HACE1: variants seen among roughly 807,000 people sequenced by gnomAD.
HACE1 encodes HECT domain and ankyrin repeat containing E3 ubiquitin protein ligase 1, also known as E3 ubiquitin-protein ligase HACE1.
HACE1 carries 73 observed loss-of-function variants against 118.4 expected under a neutral mutation model. The observed-to-expected ratio is 0.62, with a 90% CI of 0.51 to 0.75. The LOEUF is 0.75. HACE1 is among the 30% of genes least tolerant of loss of function. The pLI is 0.00. For missense variants in HACE1, 749 were observed against 1,102.2 expected, an observed-to-expected ratio of 0.68 and a Z score of 4.54; for synonymous variants, 368 against 374.8, an observed-to-expected ratio of 0.98 and a Z score of 0.21.
intron 11 of HACE1, chr6:104,786,915 G>A (rs916190797): frequency 6.6e-6 from 1 of 152,142 alleles, no homozygotes; most frequent in African/African-American, 2.4e-5. Context: ...CATGGAAGGA[G>A]ATTATACAAC....
intron 14 of HACE1, among the ~76,000 whole-genome samples, chr6:104,778,051 G>A (rs916372859): frequency 2.0e-5 from 3 of 152,158 alleles, no homozygotes; most frequent in Admixed American, 6.5e-5. Flanking sequence ...GAGCCACTGC[G>A]CCCGGCCTCT....
intron 7 of HACE1, among the ~76,000 whole-genome samples, chr6:104,805,875 AC>A (rs751800248): frequency 3.9e-5 from 6 of 152,124 alleles, no homozygotes; most frequent in South Asian, 2.1e-4. Context: ...ACAAAAAAAA[AC>A]AATTTAGTAC....
At chr6:104,792,173 T>C (rs1242344021) in intron 10 of HACE1, among the ~76,000 whole-genome samples, 2 of 152,158 alleles carry the variant, frequency 1.3e-5, no homozygotes, top group African/African-American at 2.4e-5. Flanking sequence ...TATAGAACAT[T>C]CACAAATTGA....
chr6:104,774,741 C>T (rs1185035135), intron 17 of HACE1, among the ~76,000 whole-genome samples: 2 of 152,050 alleles, frequency 1.3e-5, no homozygotes, highest in Non-Finnish European at 2.9e-5. Flanking sequence ...GTTTACTGGC[C>T]CCAAGATTGT....
At chr6:104,808,117 C>T (rs1360222221) in intron 7 of HACE1, among the ~76,000 whole-genome samples, 3 of 151,682 alleles carry the variant, frequency 2.0e-5, no homozygotes, top group East Asian at 3.9e-4. Context: ...AGCCAGGAGG[C>T]AGAGATTGCA....
intron 5 of HACE1, among the ~76,000 whole-genome samples, chr6:104,838,502 C>A (rs1774767422): frequency 1.3e-5 from 2 of 151,908 alleles, no homozygotes. Context: ...ACTGGATATC[C>A]ATACACAAAA....
chr6:104,784,097 T>C lies in HACE1; in HGVS notation c.1555A>G (p.Ile519Val). The change falls in exon 14 of 24, where the codon ATA becomes GTA. Residue 519 changes from isoleucine to valine, a missense_variant. Transcript: ENST00000262903. ...PELMSRFMHI[I>V]KAQPFKDRCE... Reference sequence around the variant, plus strand: ...AGAAAAATTTCTACCTGTGCTTTTATGATATGCATGAATCTTGACATCAAC... The same window carrying C: ...AGAAAAATTTCTACCTGTGCTTTTACGATATGCATGAATCTTGACATCAAC... The C allele has an allele frequency of 6.4e-7, 1 of 1,557,690 alleles. No homozygotes were observed. The highest frequency in any genetic ancestry group is 8.9e-7 in the Non-Finnish European group (1 of 1,128,894).
At chr6:104,856,710 C>T (rs969863551) in intron 1 of HACE1, among the ~76,000 whole-genome samples, 8 of 152,186 alleles carry the variant, frequency 5.3e-5, no homozygotes, top group Admixed American at 6.5e-5. Flanking sequence ...GCTGGGATTA[C>T]AGGTGTGAGC....
chr6:104,780,176 T>C (rs1301760388), intron 14 of HACE1, among the ~76,000 whole-genome samples: 10 of 152,164 alleles, frequency 6.6e-5, no homozygotes, highest in Admixed American at 6.6e-4. Context: ...CTATATCATT[T>C]ATCTATGAAA....
Position 104,791,595 on chromosome 6 carries a change from C to A in HACE1, c.983G>T (p.Cys328Phe). Residue 328 changes from cysteine to phenylalanine, a missense_variant, in exon 11 of 24, where the codon TGT becomes TTT. By Grantham distance (205) the Cys-to-Phe change is radical. This residue lies in a region of HACE1 where 267 missense variants were observed against 312.2 expected (regional missense o/e 0.86). Transcript: ENST00000262903. ...KSLLRIVRMFCHVFRIGPSSP... is the reference protein window; with the variant it reads ...KSLLRIVRMFFHVFRIGPSSP... ...GGATGGACCAATTCGAAAGACGTGA[C>A]AAAACATTCTCACAATCCTTAAAAG... 1.2e-6 allele frequency: 2 copies of A among 1,610,458 alleles called. No individual in the cohort carries two copies. Among genetic ancestry groups the A allele is most frequent in the Non-Finnish European group, 1.7e-6 (2 of 1,176,780 alleles).
chr6:104,815,618 C>T (rs1485792831), intron 6 of HACE1, among the ~76,000 whole-genome samples: 1 of 137,558 alleles, frequency 7.3e-6, no homozygotes, highest in African/African-American at 2.9e-5. Context: ...CCACCTTGGC[C>T]TCCTAAAGTG....
rs535172031 is a variant in HACE1 at position 104,859,810 on chromosome 6, G to A, written c.-168C>T. 284 of 604,810 alleles carry A rather than the reference G, an allele frequency of 4.7e-4. No homozygotes were observed. In the African/African-American group the frequency reaches 4.7e-3, roughly 10 times the overall value. 37.5% of individuals were successfully genotyped at this position (604,810 alleles called of 1,614,324 possible). ...CCTGGGGCCACGTCCTGCGTCCGGG[G>A]GCCGGGCTGCTGCCGGACCGACCAC... is the stretch of plus-strand genomic sequence containing the variant. On this transcript the variant is annotated 5_prime_UTR_variant, in exon 1 of 24. Transcript: ENST00000262903.
At chr6:104,762,095 T>C (rs555876105) in intron 19 of HACE1, among the ~76,000 whole-genome samples, 2 of 152,296 alleles carry the variant, frequency 1.3e-5, no homozygotes, top group Admixed American at 6.5e-5. Flanking sequence ...TTTTACACTG[T>C]TGGTGGGAGT....
chr6:104,775,781 T>C (rs553636248), intron 17 of HACE1, among the ~76,000 whole-genome samples: 1 of 152,340 alleles, frequency 6.6e-6, no homozygotes, highest in South Asian at 2.1e-4. Flanking sequence ...CTAGCTCTAC[T>C]GCAGCCTACT....
intron 6 of HACE1, among the ~76,000 whole-genome samples, chr6:104,812,308 C>CAGCA (rs1771711618): frequency 6.6e-6 from 1 of 151,956 alleles, no homozygotes; most frequent in South Asian, 2.1e-4. Context: ...CTAGTCATGG[C>CAGCA]AGCACATCAT....
At chr6:104,806,464 A>G (rs1771009770) in intron 7 of HACE1, among the ~76,000 whole-genome samples, 1 of 152,128 alleles carries the variant, frequency 6.6e-6, no homozygotes, top group Non-Finnish European at 1.5e-5. Context: ...CCTGTCTCTA[A>G]AAACTAATAA....
At chr6:104,839,625 A>T (rs539318975) in intron 5 of HACE1, among the ~76,000 whole-genome samples, 2 of 152,366 alleles carry the variant, frequency 1.3e-5, no homozygotes, top group South Asian at 4.1e-4. Context: ...CCATGTACAC[A>T]GGTAATAAAA....
chr6:104,737,661 C>G (rs1348441134), intron 22 of HACE1, among the ~76,000 whole-genome samples: 1 of 152,206 alleles, frequency 6.6e-6, no homozygotes, highest in Non-Finnish European at 1.5e-5. Flanking sequence ...TATCCTGCAC[C>G]TGGCTCGGAG....
At chr6:104,797,937 C>T (rs983140191) in intron 7 of HACE1, among the ~76,000 whole-genome samples, 1 of 151,348 alleles carries the variant, frequency 6.6e-6, no homozygotes, top group Non-Finnish European at 1.5e-5. Context: ...GCATGGTAGC[C>T]GGTGCCTGTA....
Sources: gnomAD v4.1 joint callset for allele counts (sites outside exome capture counted in the v4.1 genomes callset) on GRCh38, gnomAD v4.1.1 for gene constraint, gnomAD v4.1.1 regional missense constraint, MANE v1.5 for transcripts, NCBI Gene and HGNC (gene_info 2026-07-23, HGNC 2026-07-21) for gene names.